Variants in BTBD9 observed in about 807,000 individuals in gnomAD.
The protein encoded by BTBD9 is BTB domain containing 9, also known as BTB/POZ domain-containing protein 9.
Under a neutral mutation model 64.3 loss-of-function variants are expected in BTBD9, and 49 were observed. The observed-to-expected ratio is 0.76, with a 90% CI of 0.61 to 0.97. BTBD9 has a LOEUF of 0.97. Ranked by LOEUF, BTBD9 falls within the 50% of genes least tolerant of loss-of-function variation. The probability of loss-of-function intolerance (pLI) is 0.00; values close to 1 mark genes in which losing one functional copy is unlikely to be tolerated. For synonymous variants in BTBD9, 260 were observed against 274.7 expected (o/e 0.95, Z 0.53); for missense variants, 598 against 762.1 (o/e 0.78, Z 2.53).
At chr6:38,310,494 G>A (rs1487581054) in intron 7 of BTBD9, among the ~76,000 whole-genome samples, 1 of 151,938 alleles carries the variant, frequency 6.6e-6, no homozygotes, top group African/African-American at 2.4e-5. Context: ...CTAGATTGAG[G>A]AAACAAGATC....
chr6:38,312,442 C>G (rs1290107461), intron 7 of BTBD9, among the ~76,000 whole-genome samples: 1 of 152,144 alleles, frequency 6.6e-6, no homozygotes, highest in Non-Finnish European at 1.5e-5. Context: ...GCTTTGGTTG[C>G]CTGTGCTTGT....
chr6:38,397,496 T>C (rs2127629461), intron 6 of BTBD9, among the ~76,000 whole-genome samples: 1 of 152,224 alleles, frequency 6.6e-6, no homozygotes, highest in Middle Eastern at 3.4e-3. Flanking sequence ...AAGAAGAACA[T>C]GTTGGAAGGT....
chr6:38,404,965 A>C (rs1767099654), intron 6 of BTBD9, among the ~76,000 whole-genome samples: 1 of 152,210 alleles, frequency 6.6e-6, no homozygotes, highest in Admixed American at 6.5e-5. Flanking sequence ...GAGGTAGGAA[A>C]TATTACTGTC....
At chr6:38,539,894 T>C (rs1039887796) in intron 6 of BTBD9, among the ~76,000 whole-genome samples, 1 of 152,200 alleles carries the variant, frequency 6.6e-6, no homozygotes, top group Non-Finnish European at 1.5e-5. Context: ...AAAATTGTGC[T>C]CTATTAGAGT....
intron 9 of BTBD9, among the ~76,000 whole-genome samples, chr6:38,196,017 T>C (rs1174193052): frequency 6.6e-6 from 1 of 152,240 alleles, no homozygotes; most frequent in African/African-American, 2.4e-5. Flanking sequence ...ACAATACAGA[T>C]CACACGGCCT....
chr6:38,431,736 A>G (rs1009067620), intron 6 of BTBD9, among the ~76,000 whole-genome samples: 1 of 152,034 alleles, frequency 6.6e-6, no homozygotes. Context: ...ATAAATGAAT[A>G]GTGTACCTCC....
At chr6:38,496,586 C>G (rs146192394) in intron 6 of BTBD9, among the ~76,000 whole-genome samples, 23 of 151,098 alleles carry the variant, frequency 1.5e-4, no homozygotes, top group Admixed American at 5.3e-4. Flanking sequence ...GAGGTTGAGG[C>G]TGCAGCAGGA....
At chr6:38,207,166 T>C (rs1170384697) in intron 9 of BTBD9, 4 of 174,254 alleles carry the variant, frequency 2.3e-5, no homozygotes, top group Non-Finnish European at 5.0e-5. Context: ...TATGGTAGAT[T>C]CCTATCCTTA....
intron 9 of BTBD9, among the ~76,000 whole-genome samples, chr6:38,202,078 T>G (rs887861949): frequency 2.9e-5 from 4 of 139,442 alleles, no homozygotes; most frequent in African/African-American, 1.1e-4. Context: ...AAAATGTCGT[T>G]TTTTTTGTTT....
intron 6 of BTBD9, among the ~76,000 whole-genome samples, chr6:38,572,288 G>A (rs972800197): frequency 6.6e-6 from 1 of 152,080 alleles, no homozygotes; most frequent in African/African-American, 2.4e-5. Context: ...TAAAGTAGGC[G>A]CTTATTTGTT....
chr6:38,497,078 G>C (rs1037716590), intron 6 of BTBD9, among the ~76,000 whole-genome samples: 2 of 152,144 alleles, frequency 1.3e-5, no homozygotes, highest in Admixed American at 6.5e-5. Flanking sequence ...ACAGAACTAT[G>C]ACCATCTAGC....
intron 1 of BTBD9, among the ~76,000 whole-genome samples, chr6:38,610,304 T>C (rs1777570893): frequency 1.3e-5 from 2 of 152,194 alleles, no homozygotes; most frequent in South Asian, 2.1e-4. Flanking sequence ...ATTCATAAAA[T>C]ACTCTCTTTG....
In BTBD9 at chr6:38,632,340, T is replaced by A. The variant is rs1778389792; in HGVS notation, c.-28+7460A>T. ...GAATGTATAAAATAGGACCAAAGAG[T>A]GACTTAGTCAAACTGCAAGGAATGA... On this transcript the variant is annotated intron_variant, in intron 1 of 10. Coordinates refer to ENST00000481247, the MANE Select transcript of BTBD9 (RefSeq NM_001099272.2). 2.0e-5 allele frequency among the ~76,000 whole-genome samples: 3 copies of A among 152,178 alleles called. No individual in the cohort carries two copies. In the South Asian group the frequency reaches 6.2e-4, roughly 32 times the overall value.
intron 7 of BTBD9, among the ~76,000 whole-genome samples, chr6:38,305,546 G>C (rs558086485): frequency 6.6e-6 from 1 of 152,092 alleles, no homozygotes; most frequent in African/African-American, 2.4e-5. Flanking sequence ...GCAGTGGCAC[G>C]GTCTCAACTC....
chr6:38,267,460 A>T (rs1765050289), intron 8 of BTBD9, among the ~76,000 whole-genome samples: 1 of 152,216 alleles, frequency 6.6e-6, no homozygotes, highest in Admixed American at 6.5e-5. Context: ...AGGGGAGTAG[A>T]GTCACCTTGG....
chr6:38,415,818 T>C (rs1767640329), intron 6 of BTBD9, among the ~76,000 whole-genome samples: 1 of 151,870 alleles, frequency 6.6e-6, no homozygotes, highest in East Asian at 1.9e-4. Flanking sequence ...TCCTATCCAC[T>C]GATCCTCCAT....
intron 6 of BTBD9, among the ~76,000 whole-genome samples, chr6:38,470,472 G>A (rs1467313424): frequency 1.3e-5 from 2 of 152,198 alleles, no homozygotes; most frequent in African/African-American, 4.8e-5. Context: ...TGCACACAAT[G>A]TCCTGTCTGG....
chr6:38,279,204 T>C (rs1761407144), intron 8 of BTBD9, among the ~76,000 whole-genome samples: 1 of 152,056 alleles, frequency 6.6e-6, no homozygotes, highest in Admixed American at 6.6e-5. Context: ...CTTCTGCTTG[T>C]TCTTAAGTAG....
At chr6:38,190,959 G>GC (rs1762051053) in intron 10 of BTBD9, among the ~76,000 whole-genome samples, 1 of 152,136 alleles carries the variant, frequency 6.6e-6, no homozygotes, top group Non-Finnish European at 1.5e-5. Context: ...TAAAAAACTA[G>GC]TCTAAAATTT....
Sources: gnomAD v4.1 joint callset for allele counts (sites outside exome capture counted in the v4.1 genomes callset) on GRCh38, gnomAD v4.1.1 for gene constraint, MANE v1.5 for transcripts, NCBI Gene and HGNC (gene_info 2026-07-23, HGNC 2026-07-21) for gene names.